Variants in HIVEP3 observed in about 807,000 individuals in gnomAD.
HIVEP3 encodes HIVEP zinc finger 3, also known as transcription factor HIVEP3.
In HIVEP3, 49 loss-of-function variants were observed where a neutral mutation model predicts 152.8. The ratio of observed to expected loss-of-function variants is 0.32; its 90% CI spans 0.26 to 0.41. The LOEUF (loss-of-function observed/expected upper bound fraction) is 0.41. HIVEP3 is among the 10% of genes least tolerant of loss of function. The pLI, the probability that HIVEP3 is intolerant of heterozygous loss-of-function variation, is 1.00. For synonymous variants in HIVEP3, 1,269 were observed against 1,289.0 expected (o/e 0.98, Z 0.33); for missense variants, 2,790 against 3,103.3 (o/e 0.90, Z 2.40).
intron 1 of HIVEP3, among the ~76,000 whole-genome samples, chr1:41,802,822 T>C (rs757417387): frequency 1.3e-5 from 2 of 152,346 alleles, no homozygotes; most frequent in Non-Finnish European, 1.5e-5. Context: ...TTCTTCCCAG[T>C]CCCATCCCCC....
At chr1:41,838,875 A>T (rs777183410) in intron 1 of HIVEP3, among the ~76,000 whole-genome samples, 1 of 152,166 alleles carries the variant, frequency 6.6e-6, no homozygotes, top group Non-Finnish European at 1.5e-5. Flanking sequence ...CAACAATAGC[A>T]ACTAATCAAA....
At chr1:41,780,620 T>C (rs1472989762) in intron 1 of HIVEP3, among the ~76,000 whole-genome samples, 1 of 152,194 alleles carries the variant, frequency 6.6e-6, no homozygotes, top group African/African-American at 2.4e-5. Context: ...AGGACCTTCC[T>C]GCCCCACAGA....
intron 1 of HIVEP3, among the ~76,000 whole-genome samples, chr1:41,966,652 T>G (rs1423892518): frequency 2.0e-5 from 3 of 151,348 alleles, no homozygotes; most frequent in Admixed American, 1.3e-4. Flanking sequence ...TTTTTTTTTT[T>G]TTGTATTTTT....
At chr1:41,931,317 C>A (rs911987925) in intron 1 of HIVEP3, among the ~76,000 whole-genome samples, 2 of 151,864 alleles carry the variant, frequency 1.3e-5, no homozygotes, top group East Asian at 3.8e-4. Flanking sequence ...GGTTCATTTT[C>A]TTTCTTGCAT....
chr1:41,991,050 G>A (rs1260762906), intron 1 of HIVEP3, among the ~76,000 whole-genome samples: 16 of 143,968 alleles, frequency 1.1e-4, no homozygotes, highest in Non-Finnish European at 2.0e-4. Flanking sequence ...GAGAAAGCAG[G>A]AAAGATCCAA....
intron 1 of HIVEP3, among the ~76,000 whole-genome samples, chr1:41,937,972 T>G (rs1481383053): frequency 6.6e-6 from 1 of 152,232 alleles, no homozygotes; most frequent in African/African-American, 2.4e-5. Context: ...TGTTTTTATC[T>G]GTTAACACCA....
chr1:41,545,461 T>TCAC (rs148358107), intron 5 of HIVEP3, among the ~76,000 whole-genome samples: 57,590 of 94,516 alleles, frequency 0.61, 17,314 homozygotes, highest in African/African-American at 0.64. Context: ...ATTGCTACCA[T>TCAC]CACCACCACC....
Position 41,558,710 on chromosome 1 carries a change from C to T in HIVEP3, c.5207+16834G>A, listed in dbSNP as rs186595503. On this transcript the variant is annotated intron_variant, in intron 5 of 8. Coordinates refer to ENST00000372583, the MANE Select transcript of HIVEP3 (RefSeq NM_024503.5). ...GCTGCCTCCATTCCTTGTCACTTTC[C>T]CTGGGGATGCAGGGGAGGTGCCCAG... 4.0e-3 allele frequency among the ~76,000 whole-genome samples: 613 copies of T among 152,286 alleles called. 2 individuals carry two copies. The highest frequency in any genetic ancestry group is 6.1e-3 in the Non-Finnish European group (416 of 68,016).
chr1:41,762,175 T>A (rs543583370), intron 1 of HIVEP3, among the ~76,000 whole-genome samples: 1 of 152,162 alleles, frequency 6.6e-6, no homozygotes, highest in African/African-American at 2.4e-5. Context: ...CCCAGCCACA[T>A]TGAGGGAGAG....
At position 42,015,019 on chromosome 1, in the gene HIVEP3, G is replaced by A. The variant is rs1645513815; in HGVS notation, n.119+20788C>T. The stretch of plus-strand genomic sequence containing the variant: ...CCTGTTTTGGCCTCCAGAGGTCCGT[G>A]CTGCTGGTGGTCAGCAGCCCTGTGG... On this transcript the variant is annotated intron_variant and non_coding_transcript_variant, in intron 1 of 3. Coordinates refer to the HIVEP3 transcript ENST00000489103. Among the ~76,000 whole-genome samples, 4 of 152,140 alleles carry A rather than the reference G, an allele frequency of 2.6e-5. No homozygotes were observed. In the South Asian group the frequency reaches 8.3e-4, roughly 32 times the overall value.
At chr1:41,877,603 C>T (rs1644191499) in intron 1 of HIVEP3, among the ~76,000 whole-genome samples, 1 of 152,206 alleles carries the variant, frequency 6.6e-6, no homozygotes, top group South Asian at 2.1e-4. Flanking sequence ...CCAACAATAT[C>T]TCATGCCCTC....
rs535431330 is a variant in HIVEP3, at chr1:41,535,054, G to A, written c.5208-10144C>T. The stretch of plus-strand genomic sequence containing the variant: ...TCCTCCCATCAACCATTTTACCATC[G>A]TCCCCATTGTATAGAAAAGGGAACC... On this transcript the variant is annotated intron_variant, in intron 5 of 8. Coordinates refer to ENST00000372583, the MANE Select transcript of HIVEP3 (RefSeq NM_024503.5). Among the ~76,000 whole-genome samples the A allele has an allele frequency of 1.6e-3, 243 of 152,126 alleles. 1 individual carries two copies. Among genetic ancestry groups the A allele is most frequent in the Non-Finnish European group, 2.5e-3 (169 of 68,002 alleles).
intron 5 of HIVEP3, among the ~76,000 whole-genome samples, chr1:41,575,130 ACCAGACATG>A (rs1644307511): frequency 6.6e-6 from 1 of 152,196 alleles, no homozygotes. Flanking sequence ...CCCATGGGAA[ACCAGACATG>A]CCAAGATGGC....
At chr1:41,590,025 A>T (rs1325383674) in intron 3 of HIVEP3, among the ~76,000 whole-genome samples, 2 of 152,254 alleles carry the variant, frequency 1.3e-5, no homozygotes, top group African/African-American at 4.8e-5. Flanking sequence ...TGCCCCTTCT[A>T]AAAATCTCTG....
chr1:41,719,420 A>G (rs894942008), intron 1 of HIVEP3, among the ~76,000 whole-genome samples: 3 of 152,222 alleles, frequency 2.0e-5, no homozygotes, highest in Non-Finnish European at 4.4e-5. Flanking sequence ...CTTCATTCAT[A>G]TGAATAACTC....
At chr1:41,860,288 C>T (rs1167613012) in intron 1 of HIVEP3, among the ~76,000 whole-genome samples, 1 of 152,170 alleles carries the variant, frequency 6.6e-6, no homozygotes, top group Non-Finnish European at 1.5e-5. Context: ...AGATGGAAAA[C>T]CTTCGTGGTC....
intron 1 of HIVEP3, among the ~76,000 whole-genome samples, chr1:41,705,666 A>C (rs961103285): frequency 2.6e-5 from 4 of 152,226 alleles, no homozygotes; most frequent in African/African-American, 7.2e-5. Context: ...GGGTGCTCTC[A>C]CATCGCTGCT....
At chr1:41,639,466 CG>C (rs1443537467) in intron 2 of HIVEP3, among the ~76,000 whole-genome samples, 1 of 152,210 alleles carries the variant, frequency 6.6e-6, no homozygotes, top group Non-Finnish European at 1.5e-5. Flanking sequence ...GGGTTTGCCA[CG>C]TGGATCAGAT....
chr1:41,864,201 T>C (rs934668692), intron 1 of HIVEP3, among the ~76,000 whole-genome samples: 1 of 152,300 alleles, frequency 6.6e-6, no homozygotes, highest in East Asian at 1.9e-4. Flanking sequence ...CCTTTGGGTT[T>C]ATAGCACCCT....
Sources: gnomAD v4.1 joint callset for allele counts (sites outside exome capture counted in the v4.1 genomes callset) on GRCh38, gnomAD v4.1.1 for gene constraint, MANE v1.5 for transcripts, NCBI Gene and HGNC (gene_info 2026-07-23, HGNC 2026-07-21) for gene names.